Variants in MRPS35 observed in about 807,000 individuals in gnomAD.
The protein encoded by MRPS35 is small ribosomal subunit protein mS35.
A neutral mutation model predicts 32.7 loss-of-function variants in MRPS35; 29 were observed. That is an observed-to-expected ratio of 0.89 (90% confidence interval 0.66 to 1.21). MRPS35 has a LOEUF of 1.21. Ranked by LOEUF, MRPS35 falls within the 50% of genes most tolerant of loss-of-function variation. The probability of loss-of-function intolerance (pLI) is 0.00; values close to 1 mark genes in which losing one functional copy is unlikely to be tolerated. For synonymous variants in MRPS35, 148 were observed against 139.3 expected, an observed-to-expected ratio of 1.06 and a Z score of -0.44; for missense variants, 373 against 383.8, an observed-to-expected ratio of 0.97 and a Z score of 0.23.
intron 5 of MRPS35, among the ~76,000 whole-genome samples, chr12:27,731,098 C>G (rs1194370475): frequency 6.6e-6 from 1 of 151,996 alleles, no homozygotes; most frequent in Non-Finnish European, 1.5e-5. Context: ...TTTTTTTGCT[C>G]AAATTGTTCT....
chr12:27,729,058 A>C (rs2061911285), intron 5 of MRPS35, among the ~76,000 whole-genome samples: 1 of 152,142 alleles, frequency 6.6e-6, no homozygotes, highest in Non-Finnish European at 1.5e-5. Flanking sequence ...TCCCTTGAAC[A>C]AGTAATCTGT....
chr12:27,714,056 G>C (rs1373013250), intron 1 of MRPS35, among the ~76,000 whole-genome samples: 1 of 139,170 alleles, frequency 7.2e-6, no homozygotes, highest in African/African-American at 2.7e-5. Context: ...GCCTGGGCGA[G>C]AGTGAGATGA....
In MRPS35 at chr12:27,724,166, G is replaced by A; in HGVS notation, c.502G>A (p.Ala168Thr). Reference sequence around the variant, plus strand: ...AGGACCATCTGTTCGGAACCCCAGAGCACGAGTAGTAGTCTTAAGAGTAAG... The same window carrying A: ...AGGACCATCTGTTCGGAACCCCAGAACACGAGTAGTAGTCTTAAGAGTAAG... ...SSGPSVRNPR[A>T]RVVVLRVKLS... Residue 168 changes from alanine (A) to threonine (T), a missense_variant, in exon 5 of 8, where the codon GCA (alanine) becomes ACA (threonine). Ala to Thr is a moderately conservative substitution (Grantham distance 58). Coordinates refer to ENST00000081029, the MANE Select transcript of MRPS35 (RefSeq NM_021821.4). The A allele has an allele frequency of 6.3e-7, 1 of 1,590,842 alleles. No homozygotes were observed. The highest frequency in any genetic ancestry group is 8.5e-7 in the Non-Finnish European group (1 of 1,172,048).
chr12:27,716,205 G>T, intron 2 of MRPS35, 86 bp from the exon 3 acceptor site: 3 of 1,277,262 alleles, frequency 2.3e-6, no homozygotes, highest in Non-Finnish European at 3.1e-6. Context: ...TCTTGTAATT[G>T]TAGCTTTTTG....
Position 27,755,286 on chromosome 12 carries a change from A to G in MRPS35, c.808A>G (p.Lys270Glu). The G allele has an allele frequency of 6.2e-7, 1 of 1,613,262 alleles. No homozygotes were observed. The highest frequency in any genetic ancestry group is 8.5e-7 in the Non-Finnish European group (1 of 1,179,852). Residue 270 changes from lysine to glutamate, a missense_variant, in exon 8 of 8, where the codon AAA (lysine) becomes GAA (glutamate). Physicochemically the swap from Lys to Glu is moderately conservative, Grantham distance 56. Transcript: ENST00000081029. ...RNILETLLQMKAAEKNMEINK... is the reference protein window; with the variant it reads ...RNILETLLQMEAAEKNMEINK... ...TATCCTGGAAACGCTTCTCCAGATG[A>G]AAGCTGCTGAGAAAAATATGGAAAT...
At chr12:27,722,893 A>G (rs1252322508) in intron 4 of MRPS35, among the ~76,000 whole-genome samples, 1 of 152,150 alleles carries the variant, frequency 6.6e-6, no homozygotes, top group African/African-American at 2.4e-5. Context: ...TGAGAGCAAA[A>G]TATTGTTCCT....
intron 5 of MRPS35, among the ~76,000 whole-genome samples, chr12:27,731,622 C>T (rs1593469811): frequency 1.3e-5 from 2 of 151,974 alleles, no homozygotes; most frequent in South Asian, 4.2e-4. Context: ...AGGCTGGAGT[C>T]CAGTGGCGCG....
chr12:27,753,055 C>T (rs968002530), intron 7 of MRPS35: 5 of 152,122 alleles, frequency 3.3e-5, no homozygotes, highest in African/African-American at 1.2e-4. Context: ...TAAAACCTCC[C>T]GACCAGATTT....
At chr12:27,716,107 A>G (rs2061849247) in intron 2 of MRPS35, among the ~76,000 whole-genome samples, 184 bp from the exon 3 acceptor site, 1 of 152,194 alleles carries the variant, frequency 6.6e-6, no homozygotes, top group Non-Finnish European at 1.5e-5. Flanking sequence ...AGAGATATTT[A>G]GGTAGATTTA....
chr12:27,754,970 C>G (rs2062020292), intron 7 of MRPS35, among the ~76,000 whole-genome samples: 1 of 151,898 alleles, frequency 6.6e-6, no homozygotes, highest in South Asian at 2.1e-4. Context: ...GTGTGCAGCC[C>G]TCAAGCGCAG....
intron 7 of MRPS35, among the ~76,000 whole-genome samples, chr12:27,751,102 C>CAAAAAAAAAAAAAAAAA (rs71438703): frequency 7.1e-4 from 27 of 38,050 alleles, no homozygotes; most frequent in East Asian, 3.8e-3. Context: ...GACTCCATCT[C>CAAAAAAAAAAAAAAAAA]AAAAAAAAAA....
At chr12:27,754,170 C>T (rs2062017191) in intron 7 of MRPS35, among the ~76,000 whole-genome samples, 1 of 151,960 alleles carries the variant, frequency 6.6e-6, no homozygotes, top group Non-Finnish European at 1.5e-5. Flanking sequence ...AAGAGAATCG[C>T]TTGAATCCAG....
chr12:27,739,025 T>C (rs1332190689), intron 7 of MRPS35, among the ~76,000 whole-genome samples: 1 of 151,802 alleles, frequency 6.6e-6, no homozygotes, highest in Non-Finnish European at 1.5e-5. Context: ...TCTTCCCGAG[T>C]AGCCAGGATT....
intron 3 of MRPS35, among the ~76,000 whole-genome samples, chr12:27,718,414 A>G (rs1208895006): frequency 3.3e-5 from 5 of 152,198 alleles, no homozygotes; most frequent in Admixed American, 2.0e-4. Flanking sequence ...CTCCATCTCA[A>G]AAACAAAAAA....
At chr12:27,726,965 T>TC (rs1436237120) in intron 5 of MRPS35, among the ~76,000 whole-genome samples, 1 of 146,348 alleles carries the variant, frequency 6.8e-6, no homozygotes, top group Admixed American at 6.8e-5. Context: ...ATGTCCTTTT[T>TC]TTTTTTTTTT....
At chr12:27,740,535 G>T (rs1320848551) in intron 7 of MRPS35, among the ~76,000 whole-genome samples, 1 of 152,148 alleles carries the variant, frequency 6.6e-6, no homozygotes, top group Non-Finnish European at 1.5e-5. Flanking sequence ...CTCCCAAAGT[G>T]TTGGATTATA....
chr12:27,739,169 A>AT (rs1160253966), intron 7 of MRPS35, among the ~76,000 whole-genome samples: 2 of 152,224 alleles, frequency 1.3e-5, no homozygotes, highest in Admixed American at 6.5e-5. Flanking sequence ...AAGTGCTGGG[A>AT]TTACAGTTGT....
intron 5 of MRPS35, among the ~76,000 whole-genome samples, chr12:27,726,600 C>T (rs1028905069): frequency 2.6e-5 from 4 of 152,126 alleles, no homozygotes; most frequent in African/African-American, 9.7e-5. Flanking sequence ...AGTGGCTTCA[C>T]TATTTTACAA....
intron 7 of MRPS35, among the ~76,000 whole-genome samples, chr12:27,741,082 C>T (rs1333526043): frequency 2.0e-5 from 3 of 151,906 alleles, no homozygotes; most frequent in Non-Finnish European, 1.5e-5. Context: ...GCACAAGAAT[C>T]GCTTGAACCC....
Sources: gnomAD v4.1 joint callset for allele counts (sites outside exome capture counted in the v4.1 genomes callset) on GRCh38, gnomAD v4.1.1 for gene constraint, MANE v1.5 for transcripts, NCBI Gene and HGNC (gene_info 2026-07-23, HGNC 2026-07-21) for gene names.